The following GNAL variants were observed in gnomAD, a reference collection of about 807,000 sequenced individuals.
GNAL encodes G protein subunit alpha L, also known as guanine nucleotide-binding protein G(olf) subunit alpha.
In GNAL, 18 loss-of-function variants were observed where a neutral mutation model predicts 55.1. The observed-to-expected ratio is 0.33, with a 90% CI of 0.23 to 0.48. The LOEUF (loss-of-function observed/expected upper bound fraction) is 0.48. Among genes scored for constraint, GNAL ranks in the 20% least tolerant of loss-of-function variants. The pLI is 0.99. For missense variants in GNAL, 412 were observed against 614.1 expected (o/e 0.67, Z 3.48); for synonymous variants, 253 against 237.0 (o/e 1.07, Z -0.62).
rs114317531 is a variant in GNAL at position 11,706,567 on chromosome 18, C to T, written c.376+16628C>T. Among the ~76,000 whole-genome samples the T allele has an allele frequency of 5.1e-3, 773 of 152,278 alleles. 5 individuals are homozygous for T. The highest frequency in any genetic ancestry group is 0.018 in the African/African-American group (736 of 41,538). ...CTGCAGCATGTGATGCTTTTGATAG[C>T]ATTCTACTCATCGTAGAACTTTCAA... On this transcript the variant is annotated intron_variant, in intron 1 of 11. Transcript: ENST00000334049.
intron 4 of GNAL, 71 bp downstream of exon 4, chr18:11,754,016 G>A: frequency 5.4e-6 from 6 of 1,115,040 alleles, no homozygotes; most frequent in Admixed American, 1.9e-5. Context: ...TTCTTATTGA[G>A]AATCAATATT....
intron 1 of GNAL, among the ~76,000 whole-genome samples, chr18:11,693,852 AT>A (rs35736728): frequency 2.5e-3 from 271 of 109,808 alleles, no homozygotes; most frequent in Admixed American, 5.1e-3. Context: ...CTATGTCGCT[AT>A]TTTTTTTTTT....
At chr18:11,710,191 C>CTT (rs1326210234) in intron 1 of GNAL, among the ~76,000 whole-genome samples, 1 of 152,110 alleles carries the variant, frequency 6.6e-6, no homozygotes, top group Non-Finnish European at 1.5e-5. Flanking sequence ...TTTCCTAATA[C>CTT]TTTATTAAGG....
At position 11,708,494 on chromosome 18, in the gene GNAL, G is replaced by A. The variant is rs181079093; in HGVS notation, c.376+18555G>A. ...TCCCTTATCACAGGTCATTTTAACA[G>A]ATATAATAATAATGCAAATATTTGG... On this transcript the variant is annotated intron_variant, in intron 1 of 11. Coordinates refer to ENST00000334049, the MANE Select transcript of GNAL (RefSeq NM_182978.4). 2.6e-4 allele frequency among the ~76,000 whole-genome samples: 39 copies of A among 152,210 alleles called. No individual in the cohort carries two copies. The East Asian group carries it at 6.8e-3, about 26-fold the overall frequency.
intron 4 of GNAL, among the ~76,000 whole-genome samples, chr18:11,786,773 A>T (rs2034075018): frequency 6.6e-6 from 1 of 151,786 alleles, no homozygotes; most frequent in Non-Finnish European, 1.5e-5. Context: ...TTTCATTTGA[A>T]TCTTTTTATA....
intron 4 of GNAL, among the ~76,000 whole-genome samples, chr18:11,793,911 G>GGAAAAAAAA (rs2034306421): frequency 9.4e-6 from 1 of 106,400 alleles, no homozygotes; most frequent in Admixed American, 1.1e-4. Context: ...TCCATCTCGG[G>GGAAAAAAAA]AAAAAAAAAA....
At position 11,884,864 on chromosome 18, in the gene GNAL, G is replaced by A; in HGVS notation, c.*3729G>A. 7 of 1,356,610 alleles carry A rather than the reference G, an allele frequency of 5.2e-6. No homozygotes were observed. In the South Asian group the frequency reaches 7.6e-5, roughly 15 times the overall value. 84.0% of individuals were successfully genotyped at this position (1,356,610 alleles called of 1,614,324 possible). On this transcript the variant is annotated 3_prime_UTR_variant, in exon 12 of 12. Coordinates refer to ENST00000334049, the MANE Select transcript of GNAL (RefSeq NM_182978.4). ...GCCCAAGTGTGCCTGAGTGGAAAAT[G>A]TCTGGGACACTGACCTGTCAAAACT...
At chr18:11,722,871 C>T (rs576896897) in intron 1 of GNAL, among the ~76,000 whole-genome samples, 3 of 152,240 alleles carry the variant, frequency 2.0e-5, no homozygotes, top group South Asian at 2.1e-4. Context: ...ATTAGCTGGG[C>T]GTGGTGGCGC....
intron 4 of GNAL, among the ~76,000 whole-genome samples, chr18:11,788,908 AAAAAAAATATATATAT>A (rs1205730761): frequency 2.7e-5 from 2 of 73,318 alleles, no homozygotes; most frequent in African/African-American, 1.1e-4. Flanking sequence ...AAAAAAAAAA[AAAAAAAATATATATAT>A]ATATATATAT....
chr18:11,856,018 C>A (rs889873805), intron 5 of GNAL, among the ~76,000 whole-genome samples: 6 of 150,834 alleles, frequency 4.0e-5, no homozygotes, highest in Admixed American at 2.6e-4. Flanking sequence ...GATAAGAGAA[C>A]CTTATTAACT....
intron 4 of GNAL, among the ~76,000 whole-genome samples, chr18:11,813,652 G>A (rs1411202906): frequency 6.6e-6 from 1 of 152,224 alleles, no homozygotes; most frequent in African/African-American, 2.4e-5. Context: ...GCTAGCATGA[G>A]GAGAGAGCTA....
intron 4 of GNAL, among the ~76,000 whole-genome samples, chr18:11,762,325 G>A (rs527629686): frequency 1.3e-5 from 2 of 152,190 alleles, no homozygotes; most frequent in South Asian, 4.1e-4. Flanking sequence ...TGGAGGGGAA[G>A]CGGGTGACAT....
intron 4 of GNAL, among the ~76,000 whole-genome samples, chr18:11,774,646 C>T (rs1260290374): frequency 1.3e-5 from 2 of 152,080 alleles, no homozygotes; most frequent in Non-Finnish European, 2.9e-5. Context: ...TTGACTTGCC[C>T]CGAGTCATAG....
intron 5 of GNAL, among the ~76,000 whole-genome samples, chr18:11,839,172 C>T (rs2035559427): frequency 6.6e-6 from 1 of 152,188 alleles, no homozygotes. Context: ...AAACTTGTTA[C>T]ATGAATAGAT....
At chr18:11,787,796 C>A (rs956194063) in intron 4 of GNAL, among the ~76,000 whole-genome samples, 11 of 151,824 alleles carry the variant, frequency 7.2e-5, no homozygotes, top group South Asian at 2.1e-4. Flanking sequence ...ATGGCATGAA[C>A]CCGAGAGGTG....
intron 4 of GNAL, among the ~76,000 whole-genome samples, chr18:11,787,220 A>G (rs2034085875): frequency 1.3e-5 from 2 of 152,194 alleles, no homozygotes; most frequent in South Asian, 4.1e-4. Flanking sequence ...CCAGACAAAT[A>G]TAAAGAAAAG....
In GNAL at chr18:11,796,596, C is replaced by CAAAAAAAA. The variant is rs1334256873; in HGVS notation, c.625-28318_625-28317insAAAAAAAA. 1.4e-3 allele frequency among the ~76,000 whole-genome samples: 175 copies of CAAAAAAAA among 129,176 alleles called. 11 individuals are homozygous for CAAAAAAAA. The highest frequency in any genetic ancestry group is 4.8e-3 in the African/African-American group (164 of 34,494). The allele number at this position is 129,176 out of a possible 152,430, so 84.7% of individuals were successfully genotyped here. The stretch of plus-strand genomic sequence containing the variant: ...CTCACAAAAAAAAAAAAAAAAAAAA[C>CAAAAAAAA]AAAACACGCAACCTTTCCATTGTCC... On this transcript the variant is annotated intron_variant, in intron 4 of 11. Coordinates refer to ENST00000334049, the MANE Select transcript of GNAL (RefSeq NM_182978.4).
chr18:11,713,649 C>T (rs1355358641), intron 1 of GNAL, among the ~76,000 whole-genome samples: 1 of 152,164 alleles, frequency 6.6e-6, no homozygotes, highest in Non-Finnish European at 1.5e-5. Context: ...AGTCCCTCAA[C>T]ACATATCTAG....
At position 11,884,187 on chromosome 18, in the gene GNAL, A is replaced by G. The variant is rs1318969522; in HGVS notation, c.*3052A>G. On this transcript the variant is annotated 3_prime_UTR_variant, in exon 12 of 12. Transcript: ENST00000334049. ...GACATTAATAGCATTTACATACTGT[A>G]CAGATGCAACCTTTGATGATACATA... 5.8e-5 allele frequency: 26 copies of G among 447,290 alleles called. No individual in the cohort carries two copies. The highest frequency in any genetic ancestry group is 8.2e-6 in the Non-Finnish European group (2 of 243,846). The allele number at this position is 447,290 out of a possible 1,614,324, so 27.7% of individuals were successfully genotyped here.
Sources: gnomAD v4.1 joint callset for allele counts (sites outside exome capture counted in the v4.1 genomes callset) on GRCh38, gnomAD v4.1.1 for gene constraint, MANE v1.5 for transcripts, NCBI Gene and HGNC (gene_info 2026-07-23, HGNC 2026-07-21) for gene names.